Variants in STPG2 observed in about 807,000 individuals in gnomAD.
STPG2 encodes the protein sperm tail PG-rich repeat containing 2.
A neutral mutation model predicts 54.2 loss-of-function variants in STPG2; 56 were observed. The observed-to-expected ratio is 1.03, with a 90% confidence interval of 0.83 to 1.29. The LOEUF is 1.29. STPG2 is among the 50% of genes most tolerant of loss of function. The probability of loss-of-function intolerance (pLI) is 0.00; values close to 1 mark genes in which losing one functional copy is unlikely to be tolerated. For synonymous variants in STPG2, 200 were observed against 181.8 expected (o/e 1.10, Z -0.81); for missense variants, 596 against 544.9 (o/e 1.09, Z -0.93).
At chr4:97,602,018 G>A (rs987168014) in intron 10 of STPG2, among the ~76,000 whole-genome samples, 1 of 150,462 alleles carries the variant, frequency 6.6e-6, no homozygotes, top group Non-Finnish European at 1.5e-5. Context: ...TACATAGTAG[G>A]TTTTAAATAA....
chr4:98,135,427 T>C (rs1027965730), intron 1 of STPG2, among the ~76,000 whole-genome samples: 2 of 151,822 alleles, frequency 1.3e-5, no homozygotes, highest in Non-Finnish European at 3.0e-5. Flanking sequence ...GAGCAAAATA[T>C]AGATCTTACC....
At chr4:97,795,527 C>A (rs927483638) in intron 9 of STPG2, among the ~76,000 whole-genome samples, 4 of 152,160 alleles carry the variant, frequency 2.6e-5, no homozygotes, top group African/African-American at 9.7e-5. Flanking sequence ...GACATGAACT[C>A]ATCTTTTTTA....
intron 5 of STPG2, among the ~76,000 whole-genome samples, chr4:98,102,607 A>G (rs1294414300): frequency 6.6e-6 from 1 of 151,840 alleles, no homozygotes; most frequent in African/African-American, 2.4e-5. Flanking sequence ...TACCCTATTA[A>G]TTATCAGTTC....
At chr4:97,455,983 G>T (rs1729507236) in intron 4 of STPG2, among the ~76,000 whole-genome samples, 1 of 152,136 alleles carries the variant, frequency 6.6e-6, no homozygotes, top group Admixed American at 6.5e-5. Flanking sequence ...TGTTTCCCGT[G>T]TCAATATTTT....
chr4:98,134,791 G>A (rs937193845), intron 1 of STPG2, among the ~76,000 whole-genome samples: 1 of 151,512 alleles, frequency 6.6e-6, no homozygotes, highest in Admixed American at 6.6e-5. Flanking sequence ...TTCATCCTCA[G>A]AAGACCATTG....
At chr4:98,095,908 G>A (rs1206846690) in intron 5 of STPG2, among the ~76,000 whole-genome samples, 1 of 152,136 alleles carries the variant, frequency 6.6e-6, no homozygotes, top group South Asian at 2.1e-4. Flanking sequence ...TAGACTATAT[G>A]TTAGTCCACA....
chr4:97,732,913 T>C (rs1724852126), intron 9 of STPG2, among the ~76,000 whole-genome samples: 1 of 152,094 alleles, frequency 6.6e-6, no homozygotes, highest in Non-Finnish European at 1.5e-5. Context: ...AGAATGGTCA[T>C]TATTAAAAAG....
At chr4:98,128,391 A>G (rs371687157) in intron 3 of STPG2, 37 bp downstream of exon 3, 14 of 1,508,738 alleles carry the variant, frequency 9.3e-6, no homozygotes, top group Non-Finnish European at 1.2e-5. Context: ...ATCATAAACA[A>G]TTTTCCAATT....
chr4:98,025,180 T>G (rs11727235), intron 5 of STPG2, among the ~76,000 whole-genome samples: 1 of 152,074 alleles, frequency 6.6e-6, no homozygotes, highest in African/African-American at 2.4e-5. Context: ...AAGTAATTTA[T>G]ACAACAACTA....
intron 5 of STPG2, among the ~76,000 whole-genome samples, chr4:98,013,948 G>GT (rs36111271): frequency 6.6e-6 from 1 of 151,844 alleles, no homozygotes; most frequent in East Asian, 1.9e-4. Context: ...TTTTTGAAGA[G>GT]TTTTTCATGT....
chr4:97,937,133 C>T (rs1253950577), intron 8 of STPG2, among the ~76,000 whole-genome samples: 7 of 151,908 alleles, frequency 4.6e-5, no homozygotes, highest in Non-Finnish European at 8.8e-5. Context: ...AGACAGTCTT[C>T]AAGTTCTGAT....
intron 4 of STPG2, chr4:97,441,352 CA>C (rs1288567353): frequency 6.6e-6 from 1 of 151,852 alleles, no homozygotes; most frequent in Non-Finnish European, 1.5e-5. Flanking sequence ...GCTTTTGTAA[CA>C]GGAAACATTT....
chr4:97,685,597 T>C (rs1202691444), intron 10 of STPG2, among the ~76,000 whole-genome samples: 1 of 152,164 alleles, frequency 6.6e-6, no homozygotes, highest in African/African-American at 2.4e-5. Context: ...GCAGTAAAAC[T>C]AGTAGGTATG....
intron 8 of STPG2, among the ~76,000 whole-genome samples, chr4:97,913,306 T>G (rs1731750503): frequency 6.6e-6 from 1 of 152,192 alleles, no homozygotes. Flanking sequence ...ATCCATCACT[T>G]GAGCTGTATT....
intron 7 of STPG2, among the ~76,000 whole-genome samples, chr4:97,967,865 T>C (rs553638673): frequency 2.0e-5 from 3 of 151,990 alleles, no homozygotes; most frequent in Admixed American, 6.6e-5. Context: ...AAGCAGGGTG[T>C]AGAGGGAAAT....
At chr4:97,708,466 A>G (rs1724018293) in intron 10 of STPG2, among the ~76,000 whole-genome samples, 1 of 151,994 alleles carries the variant, frequency 6.6e-6, no homozygotes, top group Admixed American at 6.6e-5. Flanking sequence ...GAGTTCTAGC[A>G]TGTAATTAGA....
intron 4 of STPG2, among the ~76,000 whole-genome samples, chr4:97,520,071 G>A (rs546545028): frequency 5.3e-5 from 8 of 152,046 alleles, no homozygotes; most frequent in African/African-American, 1.9e-4. Flanking sequence ...CATACAAAGT[G>A]GGGGAAAAAC....
At chr4:97,717,495 C>G (rs994463856) in intron 9 of STPG2, among the ~76,000 whole-genome samples, 2 of 152,152 alleles carry the variant, frequency 1.3e-5, no homozygotes, top group African/African-American at 4.8e-5. Flanking sequence ...AGGGCTGTCA[C>G]TGTTATGACA....
At chr4:97,715,776 A>T (rs1435150500) in intron 9 of STPG2, among the ~76,000 whole-genome samples, 1 of 152,198 alleles carries the variant, frequency 6.6e-6, no homozygotes, top group African/African-American at 2.4e-5. Flanking sequence ...TTCAGGACAT[A>T]GGCATGGGCA....
Sources: allele counts gnomAD v4.1 joint callset (sites outside exome capture counted in the v4.1 genomes callset), GRCh38; gene constraint gnomAD v4.1.1; transcripts MANE v1.5; gene names NCBI Gene and HGNC (gene_info 2026-07-23, HGNC 2026-07-21).